Variants in CAMTA1 observed in about 807,000 individuals in gnomAD.
CAMTA1 encodes calmodulin-binding transcription activator 1.
A neutral mutation model predicts 170.9 loss-of-function variants in CAMTA1; 27 were observed. The observed-to-expected ratio is 0.16, with a 90% CI of 0.12 to 0.22. CAMTA1 has a LOEUF of 0.22. Among genes scored for constraint, CAMTA1 ranks in the 10% least tolerant of loss-of-function variants. CAMTA1 has a pLI of 1.00. For synonymous variants in CAMTA1, 833 were observed against 891.5 expected, an observed-to-expected ratio of 0.93 and a Z score of 1.17; for missense variants, 1,619 against 2,217.2, an observed-to-expected ratio of 0.73 and a Z score of 5.42.
At chr1:7,645,352 C>A (rs1364120112) in intron 7 of CAMTA1, among the ~76,000 whole-genome samples, 1 of 152,270 alleles carries the variant, frequency 6.6e-6, no homozygotes, top group Non-Finnish European at 1.5e-5. Context: ...AAGATCCTCT[C>A]CCTCTGAGCA....
At chr1:7,544,080 A>T (rs1243675714) in intron 6 of CAMTA1, among the ~76,000 whole-genome samples, 3 of 152,202 alleles carry the variant, frequency 2.0e-5, no homozygotes, top group Non-Finnish European at 4.4e-5. Flanking sequence ...GTCTGTTTTC[A>T]TGCTGCTGAT....
At chr1:7,464,981 GA>G (rs1375942030) in intron 5 of CAMTA1, among the ~76,000 whole-genome samples, 2 of 152,238 alleles carry the variant, frequency 1.3e-5, no homozygotes, top group East Asian at 3.9e-4. Context: ...TCCCCACTTG[GA>G]CAGCAAAGCG....
intron 6 of CAMTA1, among the ~76,000 whole-genome samples, chr1:7,491,609 C>T (rs537268223): frequency 1.3e-5 from 2 of 152,172 alleles, no homozygotes; most frequent in Admixed American, 1.3e-4. Flanking sequence ...TTTTTTTCTA[C>T]TGACTAAGGT....
At chr1:7,639,012 T>C (rs2095738793) in intron 6 of CAMTA1, among the ~76,000 whole-genome samples, 1 of 152,170 alleles carries the variant, frequency 6.6e-6, no homozygotes, top group Non-Finnish European at 1.5e-5. Flanking sequence ...AGAGTCTCGC[T>C]CTGTTGCCCA....
chr1:6,804,340 T>G (rs1644263726), intron 1 of CAMTA1, among the ~76,000 whole-genome samples: 1 of 151,984 alleles, frequency 6.6e-6, no homozygotes, highest in African/African-American at 2.4e-5. Context: ...TAATAATAGC[T>G]TAAGATGTAA....
Position 7,101,814 on chromosome 1 carries a change from CAT to C in CAMTA1, c.302+10447_302+10448del, listed in dbSNP as rs1642746971. Among the ~76,000 whole-genome samples, 5 of 150,936 alleles carry C rather than the reference CAT, an allele frequency of 3.3e-5. No homozygotes were observed. In the South Asian group the frequency reaches 8.3e-4, roughly 25 times the overall value. ...TACATGTGTGCACACAGCACAAACA[CAT>C]ATACACATGTACACATGTAGGCACA... On this transcript the variant is annotated intron_variant, in intron 4 of 22. Transcript: ENST00000303635.
rs1293065783 is a variant in CAMTA1 at position 7,767,311 on chromosome 1, C to A, written c.*820C>A. ...CACTTTAATTTTTTTGCCTTACTTTCATGTGCAATGAGAATTACTTAAGAA... is the reference window on the plus strand; with the variant it reads ...CACTTTAATTTTTTTGCCTTACTTTAATGTGCAATGAGAATTACTTAAGAA... On this transcript the variant is annotated 3_prime_UTR_variant, in exon 23 of 23. Transcript: ENST00000303635. 1.3e-5 allele frequency: 2 copies of A among 152,736 alleles called. No individual in the cohort carries two copies. Among genetic ancestry groups the A allele is most frequent in the Admixed American group, 1.3e-4 (2 of 15,270 alleles). The allele number at this position is 152,736 out of a possible 1,614,324, so 9.5% of individuals were successfully genotyped here.
At chr1:7,415,008 C>A (rs74547850) in intron 5 of CAMTA1, among the ~76,000 whole-genome samples, 1 of 136,194 alleles carries the variant, frequency 7.3e-6, no homozygotes, top group African/African-American at 2.6e-5. Flanking sequence ...GCCTTCATTT[C>A]GTTATGTACC....
At chr1:7,601,155 AG>A (rs1322667232) in intron 6 of CAMTA1, among the ~76,000 whole-genome samples, 10 of 107,022 alleles carry the variant, frequency 9.3e-5, no homozygotes, top group East Asian at 5.1e-4. Context: ...CTGGCCGGGC[AG>A]GGGGCTGACC....
intron 5 of CAMTA1, among the ~76,000 whole-genome samples, chr1:7,381,727 C>T (rs1434490417): frequency 6.7e-6 from 1 of 148,254 alleles, no homozygotes; most frequent in African/African-American, 2.5e-5. Flanking sequence ...GAGGAATCGC[C>T]ACACTGACTT....
chr1:6,915,836 G>T (rs1351600318), intron 3 of CAMTA1, among the ~76,000 whole-genome samples: 1 of 152,168 alleles, frequency 6.6e-6, no homozygotes, highest in Admixed American at 6.5e-5. Context: ...AGACAGGGGT[G>T]GCCCTGATGA....
chr1:7,303,092 C>T (rs536138155), intron 5 of CAMTA1, among the ~76,000 whole-genome samples: 114 of 152,262 alleles, frequency 7.5e-4, no homozygotes, highest in Non-Finnish European at 9.7e-4. Context: ...ATATGAGTTA[C>T]GACATGTAAA....
At chr1:7,021,607 G>T (rs1701370494) in intron 3 of CAMTA1, among the ~76,000 whole-genome samples, 1 of 152,132 alleles carries the variant, frequency 6.6e-6, no homozygotes, top group African/African-American at 2.4e-5. Flanking sequence ...ATTGGATGAG[G>T]GTGGATGTGT....
intron 3 of CAMTA1, among the ~76,000 whole-genome samples, chr1:7,042,640 C>T (rs1423365707): frequency 6.6e-6 from 1 of 152,180 alleles, no homozygotes; most frequent in South Asian, 2.1e-4. Flanking sequence ...GCCGAGATGC[C>T]GCCCCAGGTT....
chr1:7,766,760 G>C lies in CAMTA1; in HGVS notation c.*269G>C, dbSNP rs2097027354. 1.7e-5 allele frequency: 8 copies of C among 468,740 alleles called. No individual in the cohort carries two copies. The highest frequency in any genetic ancestry group is 2.7e-5 in the Non-Finnish European group (7 of 260,706). The allele number at this position is 468,740 out of a possible 1,614,324, so 29.0% of individuals were successfully genotyped here. On this transcript the variant is annotated 3_prime_UTR_variant, in exon 23 of 23. Transcript: ENST00000303635. ...AACTCAATCTTCTGTTGGATCACGG[G>C]AAATCAAGACACCCAGGAGGAATTG...
intron 6 of CAMTA1, among the ~76,000 whole-genome samples, chr1:7,538,744 A>G (rs2150091428): frequency 6.6e-6 from 1 of 152,222 alleles, no homozygotes; most frequent in East Asian, 1.9e-4. Flanking sequence ...GGGGTTCTTA[A>G]AGAGGTAGGG....
intron 6 of CAMTA1, among the ~76,000 whole-genome samples, chr1:7,613,070 C>A (rs907091191): frequency 1.3e-5 from 2 of 152,162 alleles, no homozygotes; most frequent in African/African-American, 4.8e-5. Context: ...GTTTTATATC[C>A]GTACCCCAGG....
intron 3 of CAMTA1, 68 bp from the exon 4 acceptor site, chr1:7,091,236 A>C (rs1641429864): frequency 8.6e-7 from 1 of 1,167,118 alleles, no homozygotes; most frequent in Non-Finnish European, 1.3e-6. Context: ...AACAGCAAAA[A>C]CTTTCTTACC....
chr1:7,424,441 T>C (rs1168909002), intron 5 of CAMTA1, among the ~76,000 whole-genome samples: 2 of 34,674 alleles, frequency 5.8e-5, no homozygotes, highest in East Asian at 8.4e-4. Flanking sequence ...TTGGCCACGC[T>C]GGGAGGATGA....
Sources: allele counts gnomAD v4.1 joint callset (sites outside exome capture counted in the v4.1 genomes callset), GRCh38; gene constraint gnomAD v4.1.1; transcripts MANE v1.5; gene names NCBI Gene and HGNC (gene_info 2026-07-23, HGNC 2026-07-21).